LRRC69: variants seen among roughly 807,000 people sequenced by gnomAD.
LRRC69 encodes leucine rich repeat containing 69.
In LRRC69, 42 loss-of-function variants were observed where a neutral mutation model predicts 37.8. That is an observed-to-expected ratio of 1.11 (90% confidence interval 0.87 to 1.44). The LOEUF is 1.44. Among genes scored for constraint, LRRC69 ranks in the 40% most tolerant of loss-of-function variants. LRRC69 has a pLI of 0.00. For missense variants in LRRC69, 357 were observed against 401.9 expected (o/e 0.89, Z 0.96); for synonymous variants, 141 against 143.1 (o/e 0.99, Z 0.11).
intron 6 of LRRC69, among the ~76,000 whole-genome samples, chr8:91,197,517 C>T (rs938172815): frequency 1.2e-4 from 19 of 152,038 alleles, no homozygotes; most frequent in South Asian, 4.2e-4. Flanking sequence ...TAGGACCCTC[C>T]GAGCCAGGTG....
At chr8:91,148,564 G>A (rs923104829) in intron 5 of LRRC69, among the ~76,000 whole-genome samples, 5 of 151,926 alleles carry the variant, frequency 3.3e-5, no homozygotes, top group African/African-American at 1.2e-4. Flanking sequence ...TGTCTTTATA[G>A]CAGCATGATT....
At chr8:91,142,028 AAG>A (rs1277183705) in intron 5 of LRRC69, among the ~76,000 whole-genome samples, 1 of 152,030 alleles carries the variant, frequency 6.6e-6, no homozygotes, top group African/African-American at 2.4e-5. Flanking sequence ...ACAGAAAAAA[AAG>A]TAAATTATTG....
In LRRC69 at chr8:91,109,698, G is replaced by T. The variant is rs138131631; in HGVS notation, c.183+6854G>T. Among the ~76,000 whole-genome samples the T allele has an allele frequency of 1.8e-3, 272 of 152,000 alleles. 2 individuals are homozygous for T. The highest frequency in any genetic ancestry group is 3.0e-3 in the Non-Finnish European group (203 of 68,004). On this transcript the variant is annotated intron_variant, in intron 1 of 7. Transcript: ENST00000448384. The stretch of plus-strand genomic sequence containing the variant: ...ATTGAGCTTAACTTTGGGATTTAAG[G>T]GGCCAGCAGTAAGAGGTTGTGGGAT...
chr8:91,186,877 G>A (rs1296038923), intron 5 of LRRC69, among the ~76,000 whole-genome samples: 2 of 152,072 alleles, frequency 1.3e-5, no homozygotes, highest in Admixed American at 6.6e-5. Context: ...AGAATTGACA[G>A]GACATGGTGA....
intron 5 of LRRC69, among the ~76,000 whole-genome samples, chr8:91,165,507 C>A (rs1323259876): frequency 6.6e-6 from 1 of 151,648 alleles, no homozygotes; most frequent in African/African-American, 2.4e-5. Flanking sequence ...CTTTCTCTTT[C>A]TTATACTTGT....
intron 1 of LRRC69, among the ~76,000 whole-genome samples, chr8:91,112,422 A>G (rs1399748059): frequency 6.6e-6 from 1 of 152,068 alleles, no homozygotes; most frequent in African/African-American, 2.4e-5. Flanking sequence ...TTTTACTGCC[A>G]AGGACCCCAA....
chr8:91,163,571 A>G (rs1315094732), intron 5 of LRRC69, among the ~76,000 whole-genome samples: 1 of 151,196 alleles, frequency 6.6e-6, no homozygotes, highest in African/African-American at 2.4e-5. Flanking sequence ...ACTTCTCTCA[A>G]CTTCCACTTT....
intron 5 of LRRC69, among the ~76,000 whole-genome samples, chr8:91,162,764 T>C (rs1210283727): frequency 6.6e-6 from 1 of 151,314 alleles, no homozygotes; most frequent in Non-Finnish European, 1.5e-5. Flanking sequence ...ATATTGTTAT[T>C]GATGGTGAGT....
intron 1 of LRRC69, among the ~76,000 whole-genome samples, chr8:91,113,833 T>C (rs1463120992): frequency 2.6e-5 from 4 of 151,294 alleles, no homozygotes; most frequent in East Asian, 1.9e-4. Context: ...ATACAAAATA[T>C]ATAAGGAACT....
chr8:91,190,377 TA>T (rs1809473857), intron 6 of LRRC69, among the ~76,000 whole-genome samples: 1 of 151,988 alleles, frequency 6.6e-6, no homozygotes, highest in Non-Finnish European at 1.5e-5. Flanking sequence ...TACTGACTTT[TA>T]AAAAGTTTCT....
intron 1 of LRRC69, among the ~76,000 whole-genome samples, chr8:91,114,706 AGT>A (rs1175457335): frequency 1.2e-4 from 19 of 152,158 alleles, no homozygotes; most frequent in African/African-American, 4.3e-4. Context: ...CACATAGCAT[AGT>A]AGGCTTATAG....
intron 7 of LRRC69, among the ~76,000 whole-genome samples, chr8:91,218,624 T>C (rs981876012): frequency 2.0e-5 from 3 of 152,180 alleles, no homozygotes; most frequent in Non-Finnish European, 2.9e-5. Context: ...TTTCAAACAC[T>C]TTATGGTTAG....
chr8:91,121,962 A>G (rs10109015), intron 1 of LRRC69, among the ~76,000 whole-genome samples: 4,476 of 152,176 alleles, frequency 0.029, 92 homozygotes, highest in Middle Eastern at 0.044. Flanking sequence ...GATTGATTAT[A>G]ATCTGTGATT....
At chr8:91,156,050 A>ATTTCT (rs71560302) in intron 5 of LRRC69, among the ~76,000 whole-genome samples, 7,874 of 150,520 alleles carry the variant, frequency 0.052, 291 homozygotes, top group Middle Eastern at 0.16. Flanking sequence ...TGATATACTG[A>ATTTCT]TTTCCTTTGG....
Position 91,218,723 on chromosome 8 carries a change from G to A in LRRC69, c.934-167G>A, listed in dbSNP as rs112400784. ...CATTTGAGTATGATTTTCTTAGCTA[G>A]TTAAGTTTGTGTTTTTATGTGTGAG... On this transcript the variant is annotated intron_variant, in intron 7 of 7. Coordinates refer to ENST00000448384, the Ensembl canonical transcript of LRRC69. Among the ~76,000 whole-genome samples, 918 of 152,206 alleles carry A rather than the reference G, an allele frequency of 6.0e-3. 7 individuals are homozygous for A. The highest frequency in any genetic ancestry group is 0.015 in the Admixed American group (232 of 15,264).
At chr8:91,110,916 C>G (rs1478163204) in intron 1 of LRRC69, among the ~76,000 whole-genome samples, 1 of 151,962 alleles carries the variant, frequency 6.6e-6, no homozygotes, top group Non-Finnish European at 1.5e-5. Flanking sequence ...CAAATTAGAA[C>G]AGATTAAGCT....
At chr8:91,184,458 G>C (rs1809372728) in intron 5 of LRRC69, among the ~76,000 whole-genome samples, 1 of 152,118 alleles carries the variant, frequency 6.6e-6, no homozygotes, top group Non-Finnish European at 1.5e-5. Flanking sequence ...AATCTTGTTT[G>C]CATGGGGGCA....
chr8:91,198,918 A>G (rs1809667192), intron 6 of LRRC69, among the ~76,000 whole-genome samples: 1 of 152,202 alleles, frequency 6.6e-6, no homozygotes, highest in African/African-American at 2.4e-5. Flanking sequence ...CTATCCTTCC[A>G]AAATAACACA....
At chr8:91,109,337 C>T (rs920089038) in intron 1 of LRRC69, among the ~76,000 whole-genome samples, 4 of 152,054 alleles carry the variant, frequency 2.6e-5, no homozygotes, top group African/African-American at 9.6e-5. Context: ...GTAGACCTGC[C>T]TTGACTCATC....
Sources: allele counts gnomAD v4.1 joint callset (sites outside exome capture counted in the v4.1 genomes callset), GRCh38; gene constraint gnomAD v4.1.1; transcripts MANE v1.5; gene names NCBI Gene and HGNC (gene_info 2026-07-23, HGNC 2026-07-21).